CADM1: variants seen among roughly 807,000 people sequenced by gnomAD.
The protein encoded by CADM1 is cell adhesion molecule 1.
In CADM1, 15 loss-of-function variants were observed where a neutral mutation model predicts 53.1. The ratio of observed to expected loss-of-function variants is 0.28; its 90% confidence interval spans 0.19 to 0.44. The LOEUF is 0.44. CADM1 is among the 20% of genes least tolerant of loss of function. CADM1 has a pLI of 1.00. For missense variants in CADM1, 434 were observed against 611.3 expected, an observed-to-expected ratio of 0.71 and a Z score of 3.06; for synonymous variants, 281 against 243.0, an observed-to-expected ratio of 1.16 and a Z score of -1.45.
At chr11:115,248,463 T>A (rs184881250) in intron 1 of CADM1, among the ~76,000 whole-genome samples, 1 of 152,382 alleles carries the variant, frequency 6.6e-6, no homozygotes, top group East Asian at 1.9e-4. Context: ...CTCTATAGAA[T>A]GTTTATGCGG....
intron 1 of CADM1, among the ~76,000 whole-genome samples, chr11:115,439,149 G>T (rs1329895759): frequency 1.3e-5 from 2 of 152,046 alleles, no homozygotes; most frequent in Non-Finnish European, 2.9e-5. Flanking sequence ...CCAGCAAAGG[G>T]CTTTTAGTAA....
intron 1 of CADM1, among the ~76,000 whole-genome samples, chr11:115,444,619 T>A (rs533036111): frequency 6.6e-6 from 1 of 152,356 alleles, no homozygotes; most frequent in African/African-American, 2.4e-5. Context: ...CATAGTTCTC[T>A]GTTCTGTATG....
intron 1 of CADM1, among the ~76,000 whole-genome samples, chr11:115,400,659 GTGTATATATATA>G (rs1185251494): frequency 3.9e-4 from 15 of 38,668 alleles, no homozygotes; most frequent in South Asian, 2.7e-3. Context: ...GTGTGTGTGT[GTGTATATATATA>G]TATATATATA....
At chr11:115,334,382 C>T (rs530619989) in intron 1 of CADM1, among the ~76,000 whole-genome samples, 38 of 151,936 alleles carry the variant, frequency 2.5e-4, no homozygotes, top group Middle Eastern at 3.4e-3. Context: ...TACAGTAGTC[C>T]CCCCCTTATC....
At position 115,211,164 on chromosome 11, in the gene CADM1, C is replaced by T. The variant is rs1280706438; in HGVS notation, c.995-1507G>A. On this transcript the variant is annotated intron_variant, in intron 7 of 11. Transcript: ENST00000331581. ...TCAGGCCATGTGTTCAGTCTTGCTC[C>T]TTCACACTTTTTATGGAGGCCACAG... 2.0e-5 allele frequency among the ~76,000 whole-genome samples: 3 copies of T among 146,962 alleles called. No homozygotes were observed. In the East Asian group the frequency reaches 5.8e-4, roughly 28 times the overall value.
At chr11:115,244,688 T>A (rs1942353220) in intron 1 of CADM1, among the ~76,000 whole-genome samples, 1 of 152,228 alleles carries the variant, frequency 6.6e-6, no homozygotes, top group Non-Finnish European at 1.5e-5. Context: ...CCAGCCAGCA[T>A]CAGGCTTTGA....
rs150429291 is a variant in CADM1, at chr11:115,238,861, C to CATAT, written c.272-213_272-210dup. On this transcript the variant is annotated intron_variant, in intron 2 of 11. Coordinates refer to ENST00000331581, the MANE Select transcript of CADM1 (RefSeq NM_001301043.2). ...GAGTGTGTGTGTATGTGTGCGTGTG[C>CATAT]ATATATATATATATGCACACATATA... 1.4e-3 allele frequency among the ~76,000 whole-genome samples: 212 copies of CATAT among 149,852 alleles called. 2 individuals are homozygous for CATAT. Among genetic ancestry groups the CATAT allele is most frequent in the African/African-American group, 5.1e-3 (207 of 40,924 alleles).
chr11:115,494,941 C>A (rs1949577286), intron 1 of CADM1, among the ~76,000 whole-genome samples: 1 of 152,094 alleles, frequency 6.6e-6, no homozygotes. Context: ...GAGAGATTTG[C>A]TTCAGGAAAG....
intron 1 of CADM1, among the ~76,000 whole-genome samples, chr11:115,451,793 G>A (rs1225825383): frequency 6.6e-6 from 1 of 151,982 alleles, no homozygotes; most frequent in Non-Finnish European, 1.5e-5. Flanking sequence ...CCTAACTACA[G>A]GGAAACAATC....
Position 115,272,350 on chromosome 11 carries a change from AT to A in CADM1, c.125-31931del, listed in dbSNP as rs372205267. On this transcript the variant is annotated intron_variant, in intron 1 of 11. Transcript: ENST00000331581. Reference sequence around the variant, plus strand: ...TTGATTTTTGAGCTAAGATGAACAGATTTTTTTTTTGCTTATTATCTAATAG... The same window carrying A: ...TTGATTTTTGAGCTAAGATGAACAGATTTTTTTTTGCTTATTATCTAATAG... Among the ~76,000 whole-genome samples the A allele has an allele frequency of 8.9e-3, 1,336 of 149,872 alleles. 20 individuals carry two copies. Among genetic ancestry groups the A allele is most frequent in the African/African-American group, 0.031 (1,258 of 40,896 alleles).
At chr11:115,406,765 G>C (rs1947324177) in intron 1 of CADM1, among the ~76,000 whole-genome samples, 1 of 151,232 alleles carries the variant, frequency 6.6e-6, no homozygotes, top group Admixed American at 6.6e-5. Flanking sequence ...TGGCCAACAT[G>C]GTGAAACCCC....
intron 1 of CADM1, among the ~76,000 whole-genome samples, chr11:115,447,443 T>A (rs142856840): frequency 2.2e-4 from 34 of 152,338 alleles, no homozygotes; most frequent in South Asian, 6.2e-4. Context: ...ATCATCAGTT[T>A]ATTGCCTCTC....
intron 1 of CADM1, among the ~76,000 whole-genome samples, chr11:115,245,032 T>C (rs1219083900): frequency 6.6e-6 from 1 of 152,142 alleles, no homozygotes; most frequent in African/African-American, 2.4e-5. Flanking sequence ...GTCAAGACTA[T>C]AATAAAAGGG....
intron 1 of CADM1, among the ~76,000 whole-genome samples, chr11:115,287,021 G>A (rs1413973447): frequency 6.6e-6 from 1 of 152,210 alleles, no homozygotes; most frequent in Non-Finnish European, 1.5e-5. Context: ...TAAAAGAGAA[G>A]TAGTTTCTCC....
chr11:115,485,118 C>A (rs1400443095), intron 1 of CADM1, among the ~76,000 whole-genome samples: 14 of 152,168 alleles, frequency 9.2e-5, no homozygotes. Context: ...GATTCTTCTG[C>A]ACCTTGGTTA....
At chr11:115,215,206 G>A (rs991303530) in intron 6 of CADM1, among the ~76,000 whole-genome samples, 1 of 152,170 alleles carries the variant, frequency 6.6e-6, no homozygotes. Flanking sequence ...GACTTGTTTA[G>A]AAGCCTCTTG....
intron 1 of CADM1, among the ~76,000 whole-genome samples, chr11:115,300,439 T>C (rs1944188989): frequency 6.6e-6 from 1 of 152,172 alleles, no homozygotes; most frequent in Non-Finnish European, 1.5e-5. Context: ...TTGAGAAAGA[T>C]AAAATTAAGG....
At chr11:115,439,129 A>C (rs1366927328) in intron 1 of CADM1, among the ~76,000 whole-genome samples, 1 of 152,226 alleles carries the variant, frequency 6.6e-6, no homozygotes, top group East Asian at 1.9e-4. Flanking sequence ...CTGAGCCCCC[A>C]GACCTACTTC....
chr11:115,262,637 A>G (rs1591652287), intron 1 of CADM1, among the ~76,000 whole-genome samples: 1 of 152,236 alleles, frequency 6.6e-6, no homozygotes, highest in South Asian at 2.1e-4. Flanking sequence ...GCAAAGCCGT[A>G]GTGGATGCTT....
Sources: allele counts gnomAD v4.1 joint callset (sites outside exome capture counted in the v4.1 genomes callset), GRCh38; gene constraint gnomAD v4.1.1; transcripts MANE v1.5; gene names NCBI Gene and HGNC (gene_info 2026-07-23, HGNC 2026-07-21).